The following TOMM40 variants were observed in gnomAD, a reference collection of about 807,000 sequenced individuals.
TOMM40 encodes the protein mitochondrial import receptor subunit TOM40 homolog.
TOMM40 carries 9 observed loss-of-function variants against 38.4 expected under a neutral mutation model. The observed-to-expected ratio is 0.23, with a 90% confidence interval of 0.14 to 0.41. The LOEUF (loss-of-function observed/expected upper bound fraction) is 0.41. TOMM40 is among the 10% of genes least tolerant of loss of function. The pLI, the probability that TOMM40 is intolerant of heterozygous loss-of-function variation, is 1.00. For missense variants in TOMM40, 299 were observed against 486.5 expected, an observed-to-expected ratio of 0.61 and a Z score of 3.63; for synonymous variants, 184 against 210.0, an observed-to-expected ratio of 0.88 and a Z score of 1.07.
intron 3 of TOMM40, 122 bp downstream of exon 3, chr19:44,893,051 T>C: frequency 4.0e-6 from 3 of 751,970 alleles, no homozygotes; most frequent in Non-Finnish European, 6.6e-6. Context: ...AGATGGGGAT[T>C]GCATCTCTCC....
In TOMM40 at chr19:44,893,891, G is replaced by C; in HGVS notation, c.537+10G>C. The C allele has an allele frequency of 6.2e-7, 1 of 1,611,692 alleles. No individual in the cohort carries two copies. Among genetic ancestry groups the C allele is most frequent in the South Asian group, 1.1e-5 (1 of 90,938 alleles). ...CAAGATGGCCATCCAGGTGAGTGGG[G>C]CACGGAGGCTGCTGCTCCCCTCGGC... On this transcript the variant is annotated intron_variant, in intron 4 of 8. Coordinates refer to ENST00000426677, the MANE Select transcript of TOMM40 (RefSeq NM_001128917.2).
rs562188354 is a variant in TOMM40 at position 44,900,443 on chromosome 19, T to C, written c.644-287T>C. ...GTGAGTGACTTACCCTGTAAGCTTC[T>C]ATAAGTGGTGGTGACCCCCTCTGTA... On this transcript the variant is annotated intron_variant, in intron 5 of 8. Transcript: ENST00000426677. 9.8e-5 allele frequency among the ~76,000 whole-genome samples: 15 copies of C among 152,300 alleles called. No homozygotes were observed. In the East Asian group the frequency reaches 2.7e-3, roughly 27 times the overall value.
intron 8 of TOMM40, 173 bp from the exon 9 acceptor site, chr19:44,902,857 A>G: frequency 1.3e-6 from 1 of 746,610 alleles, no homozygotes; most frequent in Non-Finnish European, 2.1e-6. Context: ...AGGAGGAGTG[A>G]GCCATTTGCT....
At position 44,901,281 on chromosome 19, in the gene TOMM40, A is replaced by G. The variant is rs1969677716; in HGVS notation, c.917A>G (p.Asp306Gly). Residue 306 changes from aspartate to glycine, a missense_variant, in exon 8 of 9, where the codon GAC (aspartate) becomes GGC (glycine). Physicochemically the swap from Asp to Gly is moderately conservative, Grantham distance 94. Coordinates refer to ENST00000426677, the MANE Select transcript of TOMM40 (RefSeq NM_001128917.2). Reference protein sequence around the residue: ...DTSVSFGYQLDLPKANLLFKG... With the variant: ...DTSVSFGYQLGLPKANLLFKG... ...AGCGTCTCCTTCGGGTACCAGCTGG[A>G]CCTGCCCAAGGCCAACCTCCTCTTC... is the stretch of plus-strand genomic sequence containing the variant. 6.2e-7 allele frequency: 1 copy of G among 1,613,884 alleles called. No individual in the cohort carries two copies. The highest frequency in any genetic ancestry group is 1.7e-5 in the Admixed American group (1 of 59,972).
chr19:44,900,651 G>A, intron 5 of TOMM40, 79 bp from the exon 6 acceptor site: 1 of 1,607,378 alleles, frequency 6.2e-7, no homozygotes, highest in Non-Finnish European at 8.5e-7. Context: ...CAGCCGGGGT[G>A]AGCCTAGAGG....
intron 5 of TOMM40, among the ~76,000 whole-genome samples, chr19:44,894,657 G>T (rs1387251861): frequency 6.6e-6 from 1 of 152,066 alleles, no homozygotes; most frequent in Non-Finnish European, 1.5e-5. Context: ...GGAACTCCTG[G>T]CTTCAAGCAA....
intron 1 of TOMM40, 21 bp downstream of exon 1, chr19:44,891,710 G>A (rs1302018189): frequency 7.0e-7 from 1 of 1,435,012 alleles, no homozygotes; most frequent in Non-Finnish European, 9.1e-7. Flanking sequence ...AGGGGCCCCC[G>A]CTGGGCTGCG....
At chr19:44,900,896 T>C (rs1969667298) in intron 6 of TOMM40, 44 bp downstream of exon 6, 1 of 1,610,292 alleles carries the variant, frequency 6.2e-7, no homozygotes, top group African/African-American at 1.3e-5. Flanking sequence ...GCTGGGCCCC[T>C]GGACTCCTCC....
intron 5 of TOMM40, among the ~76,000 whole-genome samples, chr19:44,898,511 CTTTTTTTTTTTTTCTT>C (rs1969611365): frequency 3.0e-5 from 3 of 98,522 alleles, no homozygotes; most frequent in South Asian, 7.1e-4. Context: ...TGTGTTGTTT[CTTTTTTTTTTTTTCTT>C]TTTTTTTTTT....
Position 44,903,015 on chromosome 19 carries a change from A to AG in TOMM40, c.947-14dup. The AG allele has an allele frequency of 6.2e-7, 1 of 1,610,532 alleles. No individual in the cohort carries two copies. The highest frequency in any genetic ancestry group is 1.3e-5 in the African/African-American group (1 of 74,932). ...GGGAAGCTGGCACGCCTCTCACCTCAGCTCTTCCCTGCAGGCTCTGTGGAT... is the reference window on the plus strand; with the variant it reads ...GGGAAGCTGGCACGCCTCTCACCTCAGGCTCTTCCCTGCAGGCTCTGTGGAT... On this transcript the variant is annotated splice_polypyrimidine_tract_variant and intron_variant, in intron 8 of 8. Coordinates refer to ENST00000426677, the MANE Select transcript of TOMM40 (RefSeq NM_001128917.2).
chr19:44,893,119 C>T (rs914241651), intron 3 of TOMM40, among the ~76,000 whole-genome samples, 190 bp downstream of exon 3: 2 of 152,206 alleles, frequency 1.3e-5, no homozygotes, highest in Admixed American at 6.5e-5. Flanking sequence ...CAAACCCCTG[C>T]TCTCTGCCTG....
In TOMM40 at chr19:44,891,272, G is replaced by C. The variant is rs1021184148; in HGVS notation, c.-144G>C. 2 of 1,139,482 alleles carry C rather than the reference G, an allele frequency of 1.8e-6. No individual in the cohort carries two copies. The highest frequency in any genetic ancestry group is 2.2e-6 in the Non-Finnish European group (2 of 911,644). 70.6% of individuals were successfully genotyped at this position (1,139,482 alleles called of 1,614,324 possible). A position where few individuals can be genotyped will look rare whatever the true frequency, so the allele number is the denominator to read the frequency against. The stretch of plus-strand genomic sequence containing the variant: ...GCGGGTTCGGTTGCGCGTGGCGCAC[G>C]GGGTGGGAGCGGAGCCCAGGCCGGG... On this transcript the variant is annotated 5_prime_UTR_variant, in exon 1 of 9. Coordinates refer to ENST00000426677, the MANE Select transcript of TOMM40 (RefSeq NM_001128917.2).
intron 2 of TOMM40, 60 bp downstream of exon 2, chr19:44,892,520 T>C: frequency 6.6e-7 from 1 of 1,507,242 alleles, no homozygotes; most frequent in Non-Finnish European, 9.2e-7. Flanking sequence ...CCTCCCTGCA[T>C]CTGCACACTC....
At chr19:44,892,259 G>A in intron 1 of TOMM40, 134 bp from the exon 2 acceptor site, 1 of 884,388 alleles carries the variant, frequency 1.1e-6, no homozygotes, top group East Asian at 2.4e-5. Context: ...AGGCTGTACT[G>A]CCTCTTTACA....
chr19:44,896,369 A>G (rs974134327), intron 5 of TOMM40, among the ~76,000 whole-genome samples: 3 of 152,142 alleles, frequency 2.0e-5, no homozygotes, highest in Non-Finnish European at 4.4e-5. Context: ...TCTGGGCTTC[A>G]GTCTCCTCAT....
rs1969726718 is a variant in TOMM40 at position 44,903,580 on chromosome 19, A to G, written c.*411A>G. The G allele has an allele frequency of 1.2e-5, 2 of 167,164 alleles. No individual in the cohort carries two copies. Among genetic ancestry groups the G allele is most frequent in the Admixed American group, 1.3e-4 (2 of 15,598 alleles). The allele number at this position is 167,164 out of a possible 1,614,324, so 10.4% of individuals were successfully genotyped here. The stretch of plus-strand genomic sequence containing the variant: ...CCGGTCAGTCCACCCTGCCCCGTCC[A>G]CTTTCCCATCTCCTCGGTATAAATC... On this transcript the variant is annotated 3_prime_UTR_variant, in exon 9 of 9. Transcript: ENST00000426677.
intron 6 of TOMM40, 54 bp downstream of exon 6, chr19:44,900,906 C>T: frequency 6.2e-7 from 1 of 1,609,670 alleles, no homozygotes. Context: ...TGGACTCCTC[C>T]TGGGTCTGAG....
intron 8 of TOMM40, 127 bp downstream of exon 8, chr19:44,901,437 G>A (rs1969681675): frequency 3.4e-6 from 5 of 1,488,864 alleles, no homozygotes; most frequent in South Asian, 1.3e-5. Context: ...CATTACCAGG[G>A]AACACTTGTT....
chr19:44,898,527 T>C (rs866056389), intron 5 of TOMM40, among the ~76,000 whole-genome samples: 8,558 of 90,142 alleles, frequency 0.095, 224 homozygotes, highest in African/African-American at 0.22. Context: ...TTTTTTTTCT[T>C]TTTTTTTTTT....
Sources: gnomAD v4.1 joint callset for allele counts (sites outside exome capture counted in the v4.1 genomes callset) on GRCh38, gnomAD v4.1.1 for gene constraint, MANE v1.5 for transcripts, NCBI Gene and HGNC (gene_info 2026-07-23, HGNC 2026-07-21) for gene names.